Variants in MSR1 observed in about 807,000 individuals in gnomAD.
MSR1 encodes the protein macrophage scavenger receptor types I and II.
A neutral mutation model predicts 47.2 loss-of-function variants in MSR1; 53 were observed. The observed-to-expected ratio is 1.12, with a 90% CI of 0.90 to 1.41. MSR1 has a LOEUF of 1.41. MSR1 is among the 40% of genes most tolerant of loss of function. MSR1 has a pLI of 0.00. For synonymous variants in MSR1, 239 were observed against 185.6 expected, an observed-to-expected ratio of 1.29 and a Z score of -2.34; for missense variants, 786 against 546.9, an observed-to-expected ratio of 1.44 and a Z score of -4.36.
At chr8:16,188,860 A>G (rs1585203759) in intron 1 of MSR1, among the ~76,000 whole-genome samples, 1 of 151,582 alleles carries the variant, frequency 6.6e-6, no homozygotes, top group Non-Finnish European at 1.5e-5. Context: ...TTATGGCTGC[A>G]TAGTAGTCCA....
chr8:16,126,407 G>C (rs1237561054), intron 8 of MSR1, among the ~76,000 whole-genome samples: 1 of 151,936 alleles, frequency 6.6e-6, no homozygotes, highest in Non-Finnish European at 1.5e-5. Context: ...TTAGGATTTA[G>C]GGTTAAATTT....
intron 3 of MSR1, among the ~76,000 whole-genome samples, chr8:16,173,762 G>A (rs1801558107): frequency 6.6e-6 from 1 of 151,822 alleles, no homozygotes; most frequent in Admixed American, 6.6e-5. Context: ...CATTCTCCTG[G>A]CTCAGCCTCC....
chr8:16,130,012 C>A (rs1449772051), intron 8 of MSR1, among the ~76,000 whole-genome samples: 1 of 152,096 alleles, frequency 6.6e-6, no homozygotes, highest in South Asian at 2.1e-4. Flanking sequence ...GCTTCATCTG[C>A]ATTCCTGCAC....
chr8:16,175,902 T>C (rs542788180), intron 2 of MSR1, among the ~76,000 whole-genome samples: 21 of 152,300 alleles, frequency 1.4e-4, no homozygotes, highest in South Asian at 1.2e-3. Context: ...CCACTCTCTC[T>C]ATATTTCAGA....
intron 5 of MSR1, among the ~76,000 whole-genome samples, chr8:16,157,991 T>G (rs1158560461): frequency 6.6e-6 from 1 of 151,946 alleles, no homozygotes; most frequent in Non-Finnish European, 1.5e-5. Context: ...GTAGTCACCT[T>G]TTGTTCGTAG....
intron 5 of MSR1, among the ~76,000 whole-genome samples, chr8:16,163,065 T>G (rs1297259908): frequency 6.6e-6 from 1 of 151,934 alleles, no homozygotes; most frequent in Non-Finnish European, 1.5e-5. Context: ...CTGATCAACT[T>G]TAGACTTCAA....
chr8:16,125,223 T>C (rs1030577272), intron 8 of MSR1, among the ~76,000 whole-genome samples: 3 of 152,140 alleles, frequency 2.0e-5, no homozygotes, highest in Non-Finnish European at 2.9e-5. Context: ...CAATTTACAA[T>C]GAGAAATGTA....
At chr8:16,185,846 G>GAAA (rs77751924) in intron 1 of MSR1, among the ~76,000 whole-genome samples, 60 of 125,420 alleles carry the variant, frequency 4.8e-4, no homozygotes, top group Admixed American at 1.2e-3. Flanking sequence ...CTTTTTTCAG[G>GAAA]AAAAAAAAAA....
At chr8:16,173,547 G>T (rs1801549938) in intron 3 of MSR1, among the ~76,000 whole-genome samples, 1 of 152,180 alleles carries the variant, frequency 6.6e-6, no homozygotes, top group African/African-American at 2.4e-5. Flanking sequence ...TAGTTTGGTT[G>T]GTTGGTTGTT....
intron 3 of MSR1, among the ~76,000 whole-genome samples, chr8:16,173,025 T>C (rs1801532324): frequency 1.3e-5 from 2 of 152,230 alleles, no homozygotes; most frequent in South Asian, 4.1e-4. Flanking sequence ...GATTGTGAAT[T>C]GTTTATTGTT....
chr8:16,110,034 A>T lies in MSR1; in HGVS notation c.*51T>A, dbSNP rs764572118. On this transcript the variant is annotated 3_prime_UTR_variant, in exon 10 of 10. Coordinates refer to ENST00000262101, the MANE Select transcript of MSR1 (RefSeq NM_138715.3). ...ATGGATTTTACAGGAACAAGGTAAT[A>T]AAATCATTTTTGAGCAGCGATTTCA... 1.2e-5 allele frequency: 19 copies of T among 1,606,894 alleles called. No homozygotes were observed. The highest frequency in any genetic ancestry group is 1.4e-5 in the Non-Finnish European group (17 of 1,174,772).
chr8:16,175,151 C>T (rs192201623), intron 3 of MSR1, 36 bp downstream of exon 3: 100 of 1,533,600 alleles, frequency 6.5e-5, no homozygotes, highest in Non-Finnish European at 8.6e-5. Context: ...ATTCACGGGA[C>T]GAGTTACTAA....
intron 8 of MSR1, among the ~76,000 whole-genome samples, chr8:16,135,560 C>G (rs1163745708): frequency 6.6e-6 from 1 of 152,130 alleles, no homozygotes; most frequent in Non-Finnish European, 1.5e-5. Context: ...TGTTTTCATG[C>G]CTGCTAACAC....
intron 1 of MSR1, among the ~76,000 whole-genome samples, chr8:16,184,666 T>A (rs992767146): frequency 1.3e-5 from 2 of 152,190 alleles, no homozygotes; most frequent in Non-Finnish European, 2.9e-5. Flanking sequence ...TATTGTTTGC[T>A]TTGGCAGTAG....
chr8:16,150,888 G>GCACA (rs754386463), intron 6 of MSR1, among the ~76,000 whole-genome samples: 1,470 of 115,786 alleles, frequency 0.013, 41 homozygotes, highest in Admixed American at 0.08. Context: ...ACACACACAT[G>GCACA]CGATACACAG....
chr8:16,146,108 T>C (rs1800690079), intron 7 of MSR1, among the ~76,000 whole-genome samples: 1 of 152,126 alleles, frequency 6.6e-6, no homozygotes, highest in Non-Finnish European at 1.5e-5. Context: ...TAGACATTTC[T>C]GCTTACATGC....
At chr8:16,115,044 T>C (rs1563137019) in intron 9 of MSR1, among the ~76,000 whole-genome samples, 1 of 151,972 alleles carries the variant, frequency 6.6e-6, no homozygotes, top group Non-Finnish European at 1.5e-5. Context: ...TTGGGTGTGG[T>C]GGTGCATGCC....
chr8:16,165,113 T>A (rs1801267569), intron 4 of MSR1, among the ~76,000 whole-genome samples: 1 of 152,096 alleles, frequency 6.6e-6, no homozygotes, highest in African/African-American at 2.4e-5. Context: ...AATATATTTG[T>A]ATATTGATAT....
intron 7 of MSR1, among the ~76,000 whole-genome samples, chr8:16,145,479 G>T (rs886069447): frequency 7.9e-5 from 12 of 152,108 alleles, no homozygotes; most frequent in African/African-American, 2.9e-4. Flanking sequence ...AATGAGAAAA[G>T]AGAAAGAAAC....
Sources: allele counts gnomAD v4.1 joint callset (sites outside exome capture counted in the v4.1 genomes callset), GRCh38; gene constraint gnomAD v4.1.1; transcripts MANE v1.5; gene names NCBI Gene and HGNC (gene_info 2026-07-23, HGNC 2026-07-21).